Variants in ACTR3B observed in about 807,000 individuals in gnomAD.
The protein encoded by ACTR3B is actin-related protein 3B.
In ACTR3B, 8 loss-of-function variants were observed where a neutral mutation model predicts 59.0. The ratio of observed to expected loss-of-function variants is 0.14; its 90% CI spans 0.08 to 0.24. The LOEUF is 0.24. Among genes scored for constraint, ACTR3B ranks in the 10% least tolerant of loss-of-function variants. The pLI is 1.00. For synonymous variants in ACTR3B, 148 were observed against 197.9 expected (o/e 0.75, Z 2.12); for missense variants, 245 against 552.3 (o/e 0.44, Z 5.58).
intron 9 of ACTR3B, among the ~76,000 whole-genome samples, chr7:152,837,992 T>G (rs1217702601): frequency 6.6e-6 from 1 of 152,182 alleles, no homozygotes; most frequent in Non-Finnish European, 1.5e-5. Flanking sequence ...GGGGGAGGTA[T>G]GCTTTTGTAG....
intron 1 of ACTR3B, among the ~76,000 whole-genome samples, chr7:152,770,986 CAG>C (rs1385792912): frequency 2.0e-5 from 3 of 150,456 alleles, no homozygotes; most frequent in African/African-American, 7.4e-5. Flanking sequence ...TTTTTTGAGA[CAG>C]AGTCTCGCTC....
chr7:152,764,907 C>T (rs2098103325), intron 1 of ACTR3B, among the ~76,000 whole-genome samples: 1 of 151,946 alleles, frequency 6.6e-6, no homozygotes, highest in Non-Finnish European at 1.5e-5. Context: ...ATCTTAATGT[C>T]TTTGTTTTGT....
intron 1 of ACTR3B, among the ~76,000 whole-genome samples, chr7:152,779,757 G>C (rs973286530): frequency 6.6e-6 from 1 of 152,102 alleles, no homozygotes; most frequent in African/African-American, 2.4e-5. Flanking sequence ...CATCTACTGA[G>C]TTATATTTAA....
chr7:152,846,269 C>T (rs189367270), intron 9 of ACTR3B, among the ~76,000 whole-genome samples: 3,188 of 124,228 alleles, frequency 0.026, 63 homozygotes, highest in Middle Eastern at 0.11. Context: ...TGAGCCCCAG[C>T]GCCCGGGCTG....
chr7:152,853,723 T>C (rs905959948), intron 11 of ACTR3B, 146 bp downstream of exon 11: 61 of 719,866 alleles, frequency 8.5e-5, no homozygotes, highest in Non-Finnish European at 1.1e-4. Context: ...ATTATATCTT[T>C]TTTGTTTTTT....
intron 9 of ACTR3B, among the ~76,000 whole-genome samples, chr7:152,831,604 A>T (rs1425282803): frequency 6.6e-6 from 1 of 152,260 alleles, no homozygotes; most frequent in Non-Finnish European, 1.5e-5. Context: ...AGGACGACTC[A>T]GATCAACTCA....
At chr7:152,793,074 G>T in intron 2 of ACTR3B, among the ~76,000 whole-genome samples, 2 of 133,372 alleles carry the variant, frequency 1.5e-5, no homozygotes, top group Non-Finnish European at 3.2e-5. Flanking sequence ...TGAGTATAAT[G>T]TGTTTTGGAA....
Position 152,805,803 on chromosome 7 carries a change from C to T in ACTR3B, c.336+4072C>T, listed in dbSNP as rs114567379. Among the ~76,000 whole-genome samples, 671 of 152,240 alleles carry T rather than the reference C, an allele frequency of 4.4e-3. 8 individuals carry two copies. The highest frequency in any genetic ancestry group is 0.039 in the South Asian group (187 of 4,824). On this transcript the variant is annotated intron_variant, in intron 4 of 11. Coordinates refer to ENST00000256001, the MANE Select transcript of ACTR3B (RefSeq NM_020445.6). Reference sequence around the variant, plus strand: ...TACTTTCCAGCTTCCAGTATGTTGTCGCCTCCTCTCCTATCTCGCTTCCTT... The same window carrying T: ...TACTTTCCAGCTTCCAGTATGTTGTTGCCTCCTCTCCTATCTCGCTTCCTT...
At chr7:152,829,518 A>C (rs971368763) in intron 9 of ACTR3B, among the ~76,000 whole-genome samples, 5 of 152,202 alleles carry the variant, frequency 3.3e-5, no homozygotes, top group African/African-American at 4.8e-5. Context: ...GGGTATTTAC[A>C]CATCTGCTTT....
At position 152,854,448 on chromosome 7, in the gene ACTR3B, CCT is replaced by C; in HGVS notation, c.1162-6_1162-5del. ...TGAGTGTCTTTCTGTCTGCCTGTTG[CCT>C]CTCGTAGCCCGAGTTCTTTCAGGTC... On this transcript the variant is annotated splice_polypyrimidine_tract_variant and splice_region_variant and intron_variant, in intron 11 of 11. Transcript: ENST00000256001. This position sits in a 1 kb window ranked among gnomAD's most constrained non-coding sequence, Gnocchi z 4.9. The C allele has an allele frequency of 6.2e-7, 1 of 1,613,082 alleles. No homozygotes were observed. The highest frequency in any genetic ancestry group is 8.5e-7 in the Non-Finnish European group (1 of 1,179,094).
intron 4 of ACTR3B, 155 bp from the exon 5 acceptor site, chr7:152,814,395 G>C: frequency 1.8e-6 from 1 of 549,364 alleles, no homozygotes; most frequent in African/African-American, 2.4e-5. Context: ...CCCATGGCCA[G>C]ATTTCTTTAA....
At chr7:152,806,323 G>A (rs1467568018) in intron 4 of ACTR3B, among the ~76,000 whole-genome samples, 1 of 152,166 alleles carries the variant, frequency 6.6e-6, no homozygotes, top group Non-Finnish European at 1.5e-5. Flanking sequence ...GAATAACGTC[G>A]ATTTTGATTC....
chr7:152,791,036 CAG>C (rs1186907255), intron 2 of ACTR3B, among the ~76,000 whole-genome samples: 1 of 144,550 alleles, frequency 6.9e-6, no homozygotes, highest in East Asian at 2.0e-4. Context: ...TTTTTTGAGA[CAG>C]AGTCTTGCTC....
At chr7:152,830,385 A>G (rs1300810764) in intron 9 of ACTR3B, among the ~76,000 whole-genome samples, 2 of 152,234 alleles carry the variant, frequency 1.3e-5, no homozygotes, top group African/African-American at 2.4e-5. Context: ...AGTTGTTAAA[A>G]ACTCTTCATG....
At chr7:152,781,216 T>TC (rs1224327594) in intron 1 of ACTR3B, among the ~76,000 whole-genome samples, 23 of 147,224 alleles carry the variant, frequency 1.6e-4, no homozygotes, top group African/African-American at 4.6e-4. Context: ...TTTTTTTTTT[T>TC]CTGAAACCCA....
chr7:152,847,347 C>T (rs1027454678), intron 9 of ACTR3B, among the ~76,000 whole-genome samples: 1 of 152,204 alleles, frequency 6.6e-6, no homozygotes, highest in Non-Finnish European at 1.5e-5. Context: ...GTTTGCTGCC[C>T]ATCACAGGGA....
intron 9 of ACTR3B, among the ~76,000 whole-genome samples, chr7:152,837,393 A>G (rs1797551858): frequency 6.6e-6 from 1 of 152,270 alleles, no homozygotes; most frequent in Non-Finnish European, 1.5e-5. Context: ...AACCAAAGCA[A>G]ATGACGCCTG....
intron 3 of ACTR3B, among the ~76,000 whole-genome samples, chr7:152,800,992 G>A (rs1366988525): frequency 1.3e-5 from 2 of 152,156 alleles, no homozygotes; most frequent in African/African-American, 2.4e-5. Context: ...AAACACTAAC[G>A]TTATTTAAGC....
At chr7:152,766,438 T>TTTGCCAC (rs1471539636) in intron 1 of ACTR3B, among the ~76,000 whole-genome samples, 3 of 152,188 alleles carry the variant, frequency 2.0e-5, no homozygotes, top group African/African-American at 7.2e-5. Context: ...AACCACGTTG[T>TTTGCCAC]TTGCCACTCT....
Sources: allele counts gnomAD v4.1 joint callset (sites outside exome capture counted in the v4.1 genomes callset), GRCh38; gene constraint gnomAD v4.1.1; non-coding constraint Gnocchi (gnomAD v3.1); transcripts MANE v1.5; gene names NCBI Gene and HGNC (gene_info 2026-07-23, HGNC 2026-07-21).